FAM107B: variants seen among roughly 807,000 people sequenced by gnomAD.
FAM107B encodes the protein protein FAM107B.
FAM107B carries 21 observed loss-of-function variants against 31.5 expected under a neutral mutation model. The ratio of observed to expected loss-of-function variants is 0.67; its 90% CI spans 0.47 to 0.96. FAM107B has a LOEUF of 0.96. Among genes scored for constraint, FAM107B ranks in the 40% least tolerant of loss-of-function variants. The pLI is 0.00. For missense variants in FAM107B, 452 were observed against 377.1 expected, an observed-to-expected ratio of 1.20 and a Z score of -1.64; for synonymous variants, 157 against 141.5, an observed-to-expected ratio of 1.11 and a Z score of -0.78.
chr10:14,604,156 G>A (rs1340089301), intron 2 of FAM107B: 3 of 425,830 alleles, frequency 7.0e-6, no homozygotes, highest in East Asian at 1.7e-4. Flanking sequence ...GAGGGTCCCC[G>A]GAGCCGGGGT....
chr10:14,553,662 T>C (rs551022151), intron 2 of FAM107B, among the ~76,000 whole-genome samples: 16 of 152,248 alleles, frequency 1.1e-4, no homozygotes, highest in African/African-American at 2.2e-4. Context: ...GCAACAGTAA[T>C]AGTATGACTC....
chr10:14,703,997 A>G (rs1251014193), intron 1 of FAM107B, among the ~76,000 whole-genome samples: 6 of 152,186 alleles, frequency 3.9e-5, no homozygotes, highest in Non-Finnish European at 7.3e-5. Context: ...TTGGACAGAA[A>G]ACTGGGTTCT....
chr10:14,637,714 G>C (rs757692931), intron 2 of FAM107B, among the ~76,000 whole-genome samples: 1 of 152,110 alleles, frequency 6.6e-6, no homozygotes, highest in Non-Finnish European at 1.5e-5. Context: ...CATCTTGCTG[G>C]AGTCTCTCAT....
intron 1 of FAM107B, among the ~76,000 whole-genome samples, chr10:14,681,721 A>G (rs1854840638): frequency 6.6e-6 from 1 of 152,174 alleles, no homozygotes; most frequent in African/African-American, 2.4e-5. Flanking sequence ...GGGAAGTCAG[A>G]GCTCCTTAAT....
chr10:14,666,775 T>C (rs1419549019), intron 2 of FAM107B, among the ~76,000 whole-genome samples: 4 of 152,130 alleles, frequency 2.6e-5, no homozygotes, highest in African/African-American at 4.8e-5. Context: ...TGGGAGGAGA[T>C]AGTATAGAGG....
chr10:14,569,401 A>G lies in FAM107B; in HGVS notation c.470-38886T>C, dbSNP rs1044245914. Among the ~76,000 whole-genome samples, 7 of 151,050 alleles carry G rather than the reference A, an allele frequency of 4.6e-5. No individual in the cohort carries two copies. In the East Asian group the frequency reaches 1.2e-3, roughly 25 times the overall value. On this transcript the variant is annotated intron_variant, in intron 2 of 4. Transcript: ENST00000181796. ...GAGCTGCAGTTTGCATTGTGCACAT[A>G]TGTGTGTGTGTGTGCATGCATGCAT...
intron 1 of FAM107B, among the ~76,000 whole-genome samples, chr10:14,770,395 C>T (rs1023969445): frequency 3.3e-5 from 5 of 151,940 alleles, no homozygotes; most frequent in Admixed American, 2.0e-4. Flanking sequence ...TGGTGGCTGG[C>T]GCCTGTAATC....
intron 1 of FAM107B, among the ~76,000 whole-genome samples, chr10:14,734,988 A>C (rs577899881): frequency 6.6e-6 from 1 of 152,318 alleles, no homozygotes; most frequent in Non-Finnish European, 1.5e-5. Context: ...CAGCAGAGTG[A>C]GTCTCGAGCC....
intron 2 of FAM107B, among the ~76,000 whole-genome samples, chr10:14,621,063 A>G (rs117491035): frequency 0.013 from 1,999 of 152,280 alleles, 15 homozygotes; most frequent in Non-Finnish European, 0.023. Context: ...ACAAACTCAC[A>G]TATTATATTT....
chr10:14,583,654 A>G (rs1028188481), intron 2 of FAM107B, among the ~76,000 whole-genome samples: 2 of 152,176 alleles, frequency 1.3e-5, no homozygotes, highest in African/African-American at 2.4e-5. Context: ...AGGAAGAAGA[A>G]GAGGCTGGGC....
At chr10:14,705,023 C>CAAAGA (rs368451646) in intron 1 of FAM107B, among the ~76,000 whole-genome samples, 1 of 87,932 alleles carries the variant, frequency 1.1e-5, no homozygotes, top group African/African-American at 4.7e-5. Flanking sequence ...GACCCTGTCA[C>CAAAGA]AAAAAAAAAA....
intron 2 of FAM107B, among the ~76,000 whole-genome samples, chr10:14,588,203 C>T (rs935322312): frequency 1.3e-5 from 2 of 152,004 alleles, no homozygotes; most frequent in African/African-American, 2.4e-5. Context: ...ATGCTCCAGG[C>T]TGTGCGTGCA....
chr10:14,575,835 G>C (rs768218746), intron 2 of FAM107B, among the ~76,000 whole-genome samples: 81 of 152,166 alleles, frequency 5.3e-4, no homozygotes, highest in Non-Finnish European at 9.3e-4. Flanking sequence ...AAAACACTGA[G>C]TCAGATCCAG....
At chr10:14,598,860 A>C (rs868164469) in intron 2 of FAM107B, among the ~76,000 whole-genome samples, 16 of 152,166 alleles carry the variant, frequency 1.1e-4, no homozygotes, top group Non-Finnish European at 2.2e-4. Context: ...CACAGATGAG[A>C]ATACTAGAGC....
At chr10:14,531,882 C>A (rs549109124) in intron 2 of FAM107B, among the ~76,000 whole-genome samples, 2 of 152,192 alleles carry the variant, frequency 1.3e-5, no homozygotes, top group Admixed American at 6.6e-5. Context: ...ATATATATTG[C>A]GCCTCACATA....
intron 2 of FAM107B, among the ~76,000 whole-genome samples, chr10:14,609,521 A>G (rs1213250476): frequency 6.6e-6 from 1 of 152,124 alleles, no homozygotes; most frequent in East Asian, 1.9e-4. Flanking sequence ...GGCCCTCCCC[A>G]TCTTCCAGTC....
chr10:14,542,428 C>T (rs537884977), intron 2 of FAM107B, among the ~76,000 whole-genome samples: 1 of 152,142 alleles, frequency 6.6e-6, no homozygotes, highest in African/African-American at 2.4e-5. Context: ...TTGTAGGATA[C>T]TGAAGTCTGA....
chr10:14,774,121 C>T, intron 1 of FAM107B, 132 bp downstream of exon 1: 1 of 1,098,402 alleles, frequency 9.1e-7, no homozygotes, highest in East Asian at 2.6e-5. Context: ...CACTTCTTCG[C>T]ACTAGTGAGA....
rs537270079 is a variant in FAM107B, at chr10:14,761,449, T to C, written c.411+12804A>G. Among the ~76,000 whole-genome samples the C allele has an allele frequency of 2.6e-5, 4 of 152,350 alleles. No individual in the cohort carries two copies. In the South Asian group the frequency reaches 8.3e-4, roughly 32 times the overall value. ...TTGAGGCTTTTTATAAGTGAGATAA[T>C]ACATCTGTGTAGTATTTTCTCTACA... On this transcript the variant is annotated intron_variant, in intron 1 of 4. Coordinates refer to ENST00000181796, the MANE Select transcript of FAM107B (RefSeq NM_031453.4).
Sources: allele counts gnomAD v4.1 joint callset (sites outside exome capture counted in the v4.1 genomes callset), GRCh38; gene constraint gnomAD v4.1.1; transcripts MANE v1.5; gene names NCBI Gene and HGNC (gene_info 2026-07-23, HGNC 2026-07-21).